The following CELF2 variants were observed in gnomAD, a reference collection of about 807,000 sequenced individuals.
The protein encoded by CELF2 is CUG triplet repeat RNA-binding protein 2.
CELF2 carries 8 observed loss-of-function variants against 62.6 expected under a neutral mutation model. The observed-to-expected ratio is 0.13, with a 90% CI of 0.07 to 0.23. The LOEUF (loss-of-function observed/expected upper bound fraction) is 0.23, where lower values mean the gene tolerates loss of function less well. Among genes scored for constraint, CELF2 ranks in the 10% least tolerant of loss-of-function variants. CELF2 has a pLI of 1.00. For synonymous variants in CELF2, 258 were observed against 250.0 expected (o/e 1.03, Z -0.30); for missense variants, 333 against 671.0 (o/e 0.50, Z 5.56).
intron 1 of CELF2, among the ~76,000 whole-genome samples, chr10:11,151,308 G>T (rs1052748467): frequency 6.6e-6 from 1 of 152,174 alleles, no homozygotes; most frequent in Non-Finnish European, 1.5e-5. Context: ...AGTATCCCGG[G>T]CTTTGTGTGT....
intron 1 of CELF2, among the ~76,000 whole-genome samples, chr10:10,839,129 G>C (rs2058506914): frequency 6.6e-6 from 1 of 152,180 alleles, no homozygotes; most frequent in Admixed American, 6.5e-5. Context: ...CTGAGCGACA[G>C]AGCAAGACTC....
chr10:11,287,568 T>C (rs2091651977), intron 8 of CELF2, among the ~76,000 whole-genome samples: 3 of 152,244 alleles, frequency 2.0e-5, no homozygotes, highest in Non-Finnish European at 4.4e-5. Flanking sequence ...TTTTAAAATA[T>C]AAATCGCTTT....
chr10:10,760,887 G>T, the CELF2 span, among the ~76,000 whole-genome samples: 1 of 152,180 alleles, frequency 6.6e-6, no homozygotes, highest in African/African-American at 2.4e-5. Flanking sequence ...AGCAAAGGTC[G>T]CATCACGCAA....
At chr10:10,564,670 A>ACG in the CELF2 span, among the ~76,000 whole-genome samples, 62 of 98,564 alleles carry the variant, frequency 6.3e-4, no homozygotes, top group African/African-American at 3.1e-3. Context: ...ACACACACAC[A>ACG]CACGCACACA....
chr10:11,248,418 C>T (rs527768015), intron 3 of CELF2, among the ~76,000 whole-genome samples: 1 of 152,206 alleles, frequency 6.6e-6, no homozygotes, highest in African/African-American at 2.4e-5. Context: ...GTCTCCCTCC[C>T]TTCCACCCTC....
At chr10:10,537,579 G>A in the CELF2 span, among the ~76,000 whole-genome samples, 1 of 152,226 alleles carries the variant, frequency 6.6e-6, no homozygotes, top group Non-Finnish European at 1.5e-5. Context: ...CTGGAGGCTT[G>A]CTTCGAATTT....
At chr10:11,149,420 T>C (rs574495505) in intron 1 of CELF2, among the ~76,000 whole-genome samples, 21 of 152,294 alleles carry the variant, frequency 1.4e-4, no homozygotes, top group African/African-American at 4.8e-4. Context: ...GCAGATGCAG[T>C]TTTATTTCCC....
intron 2 of CELF2, among the ~76,000 whole-genome samples, chr10:11,209,946 C>T (rs1425737832): frequency 2.6e-5 from 4 of 152,186 alleles, no homozygotes; most frequent in Non-Finnish European, 5.9e-5. Flanking sequence ...TGCAGTTCGA[C>T]TTGTGTGAAG....
At chr10:10,954,884 T>A (rs1018099755) in intron 2 of CELF2, among the ~76,000 whole-genome samples, 1 of 152,252 alleles carries the variant, frequency 6.6e-6, no homozygotes, top group Non-Finnish European at 1.5e-5. Flanking sequence ...GCTATATCTT[T>A]TGTTCCAAAG....
chr10:11,017,692 A>T (rs2057456813), upstream of CELF2, among the ~76,000 whole-genome samples: 1 of 151,960 alleles, frequency 6.6e-6, no homozygotes, highest in Non-Finnish European at 1.5e-5. This position sits in a 1 kb window ranked among gnomAD's most constrained non-coding sequence, Gnocchi z 5.5. Flanking sequence ...GAGCAGAGCC[A>T]GGCGGGGAGC....
the CELF2 span, among the ~76,000 whole-genome samples, chr10:10,768,034 C>T: frequency 1.4e-5 from 2 of 144,792 alleles, no homozygotes; most frequent in Admixed American, 6.9e-5. Context: ...GGCGTGGTGA[C>T]GGGCGCCTGT....
At chr10:11,273,978 C>CA (rs1221695807) in intron 7 of CELF2, among the ~76,000 whole-genome samples, 1 of 146,192 alleles carries the variant, frequency 6.8e-6, no homozygotes, top group African/African-American at 2.6e-5. Flanking sequence ...ACCCCCCCCC[C>CA]CCACCTTGGC....
intron 2 of CELF2, among the ~76,000 whole-genome samples, chr10:11,195,810 C>T (rs553553875): frequency 5.9e-5 from 9 of 152,308 alleles, no homozygotes; most frequent in East Asian, 3.9e-4. Context: ...CCTTGTTCCA[C>T]GTGGCCTCCC....
rs1478585074 is a variant in CELF2, at chr10:11,335,437, C to G, written c.*6384C>G. On this transcript the variant is annotated 3_prime_UTR_variant, in exon 13 of 13. Transcript: ENST00000633077. The surrounding 1 kb of genome is among the most constrained non-coding windows in gnomAD (Gnocchi z 5.0). Reference sequence around the variant, plus strand: ...CCAGTAGGTGCTCAGGCTCTTCACCCTCTCGTTGCAGCAGCCCCTCTGGCC... The same window carrying G: ...CCAGTAGGTGCTCAGGCTCTTCACCGTCTCGTTGCAGCAGCCCCTCTGGCC... The G allele has an allele frequency of 6.6e-6, 1 of 152,340 alleles. No homozygotes were observed. The highest frequency in any genetic ancestry group is 1.5e-5 in the Non-Finnish European group (1 of 68,120). The allele number at this position is 152,340 out of a possible 1,614,324, so 9.4% of individuals were successfully genotyped here.
At position 11,075,396 on chromosome 10, in the gene CELF2, A is replaced by G. The variant is rs2071554070; in HGVS notation, c.74+57233A>G. On this transcript the variant is annotated intron_variant, in intron 1 of 12. Transcript: ENST00000633077. The surrounding 1 kb of genome is among the most constrained non-coding windows in gnomAD (Gnocchi z 5.4). ...CTGCCCAGTAAAAAGATTATATTCT[A>G]TTTTACAACCTTACTTATTCAGTAA... 6.6e-6 allele frequency: 1 copy of G among 152,316 alleles called. No homozygotes were observed. The highest frequency in any genetic ancestry group is 3.4e-3 in the Middle Eastern group (1 of 294). 9.4% of individuals were successfully genotyped at this position (152,316 alleles called of 1,614,324 possible).
chr10:10,476,039 C>T, the CELF2 span, among the ~76,000 whole-genome samples: 1 of 152,018 alleles, frequency 6.6e-6, no homozygotes, highest in Admixed American at 6.6e-5. Context: ...GGTTTTTGTT[C>T]TCTTGAATAC....
chr10:10,640,413 A>T, the CELF2 span, among the ~76,000 whole-genome samples: 1 of 152,122 alleles, frequency 6.6e-6, no homozygotes, highest in African/African-American at 2.4e-5. Context: ...ATGCATCAAG[A>T]CTTTCCCAAT....
At chr10:10,787,045 T>G in the CELF2 span, among the ~76,000 whole-genome samples, 11 of 152,282 alleles carry the variant, frequency 7.2e-5, no homozygotes, top group African/African-American at 2.6e-4. Flanking sequence ...ATGGACAATC[T>G]CAGACAAAAA....
At chr10:10,540,545 G>A in the CELF2 span, among the ~76,000 whole-genome samples, 1 of 152,108 alleles carries the variant, frequency 6.6e-6, no homozygotes. Context: ...CCCATACGGT[G>A]GTTCATGACT....
Sources: allele counts gnomAD v4.1 joint callset (sites outside exome capture counted in the v4.1 genomes callset), GRCh38; gene constraint gnomAD v4.1.1; non-coding constraint Gnocchi (gnomAD v3.1); transcripts MANE v1.5; gene names NCBI Gene and HGNC (gene_info 2026-07-23, HGNC 2026-07-21).